The following PLCH2 variants were observed in gnomAD, a reference collection of about 807,000 sequenced individuals.
PLCH2 encodes 1-phosphatidylinositol 4,5-bisphosphate phosphodiesterase eta-2.
A neutral mutation model predicts 134.7 loss-of-function variants in PLCH2; 98 were observed. The observed-to-expected ratio is 0.73, with a 90% CI of 0.62 to 0.86. The LOEUF (loss-of-function observed/expected upper bound fraction) is 0.86. Among genes scored for constraint, PLCH2 ranks in the 40% least tolerant of loss-of-function variants. The pLI is 0.00. For missense variants in PLCH2, 1,994 were observed against 1,986.6 expected, an observed-to-expected ratio of 1.00 and a Z score of -0.07; for synonymous variants, 974 against 827.5, an observed-to-expected ratio of 1.18 and a Z score of -3.04.
chr1:2,497,130 C>T, intron 15 of PLCH2, 120 bp downstream of exon 15: 1 of 978,080 alleles, frequency 1.0e-6, no homozygotes, highest in Non-Finnish European at 1.5e-6. Flanking sequence ...GCTCTATTGC[C>T]CTTGGAGCCT....
intron 2 of PLCH2, among the ~76,000 whole-genome samples, chr1:2,462,377 C>T (rs1390214075): frequency 7.3e-6 from 1 of 137,726 alleles, no homozygotes; most frequent in Admixed American, 7.2e-5. Flanking sequence ...ACACCGCCTC[C>T]ACCTGACACC....
At chr1:2,417,764 G>A in the PLCH2 span, among the ~76,000 whole-genome samples, 3 of 152,194 alleles carry the variant, frequency 2.0e-5, no homozygotes, top group Admixed American at 2.0e-4. Context: ...CAGAGTCAGG[G>A]CTGGGAGCCA....
rs1053002619 is a variant in PLCH2 at position 2,439,750 on chromosome 1, C to T, written c.115+9121C>T. Among the ~76,000 whole-genome samples the T allele has an allele frequency of 4.6e-5, 7 of 152,188 alleles. No homozygotes were observed. The highest frequency in any genetic ancestry group is 3.4e-3 in the Middle Eastern group (1 of 294). On this transcript the variant is annotated intron_variant, in intron 2 of 3. Transcript: ENST00000609981. The surrounding 1 kb of genome is among the most constrained non-coding windows in gnomAD (Gnocchi z 4.7). ...ACCCTCGGGGGAGAGTCCCGGGGTC[C>T]GTGGGGAGAGCCCGTCAGAGTCCAG...
intron 2 of PLCH2, among the ~76,000 whole-genome samples, chr1:2,456,324 G>A (rs910212108): frequency 5.3e-5 from 8 of 152,310 alleles, no homozygotes; most frequent in East Asian, 1.9e-4. Context: ...CCTCATGGCC[G>A]CTGAGCCCCG....
intron 2 of PLCH2, among the ~76,000 whole-genome samples, chr1:2,433,683 A>G (rs1381801332): frequency 6.6e-6 from 1 of 152,122 alleles, no homozygotes; most frequent in Non-Finnish European, 1.5e-5. Context: ...TTCCCTGATC[A>G]TGAAAGCAAG....
Position 2,505,293 on chromosome 1 carries a change from C to A in PLCH2, c.*80C>A. ...GTTGTTTGCTCAGGAAACAGGGCAG[C>A]CAGGCCCCCAAAACTGTGTCCCCCT... On this transcript the variant is annotated 3_prime_UTR_variant, in exon 22 of 22. Coordinates refer to ENST00000378486, the MANE Select transcript of PLCH2 (RefSeq NM_014638.4). The A allele has an allele frequency of 3.5e-6, 4 of 1,127,064 alleles. No individual in the cohort carries two copies. The highest frequency in any genetic ancestry group is 3.7e-6 in the Non-Finnish European group (3 of 803,214). 69.8% of individuals were successfully genotyped at this position (1,127,064 alleles called of 1,614,324 possible).
chr1:2,495,378 C>A, intron 12 of PLCH2, 110 bp from the exon 13 acceptor site: 1 of 842,638 alleles, frequency 1.2e-6, no homozygotes, highest in Non-Finnish European at 1.9e-6. Context: ...TGGGAGGCTG[C>A]GTGGGCCGCT....
upstream of PLCH2, among the ~76,000 whole-genome samples, chr1:2,423,987 A>G (rs1557928653): frequency 6.6e-6 from 1 of 152,142 alleles, no homozygotes; most frequent in Admixed American, 6.5e-5. Flanking sequence ...TTCAGCCTCA[A>G]ACCCTGTCTT....
chr1:2,503,268 G>A, intron 21 of PLCH2: 1 of 561,456 alleles, frequency 1.8e-6, no homozygotes, highest in Non-Finnish European at 3.2e-6. Context: ...CTGGCGACCT[G>A]CATGGCCCCT....
chr1:2,491,119 C>T (rs1373117962), intron 10 of PLCH2, 73 bp from the exon 11 acceptor site: 2 of 1,446,392 alleles, frequency 1.4e-6, no homozygotes, highest in Non-Finnish European at 1.9e-6. Flanking sequence ...GTGCTGTGAC[C>T]CTGGGGGTTG....
At chr1:2,449,658 G>C (rs1216151215) in intron 2 of PLCH2, among the ~76,000 whole-genome samples, 1 of 152,226 alleles carries the variant, frequency 6.6e-6, no homozygotes, top group East Asian at 1.9e-4. Context: ...TGTCACTGGG[G>C]TGGAGGACAT....
intron 2 of PLCH2, among the ~76,000 whole-genome samples, chr1:2,432,959 C>G (rs923717132): frequency 6.6e-6 from 1 of 152,200 alleles, no homozygotes; most frequent in Admixed American, 6.5e-5. Context: ...AACCTGGGCA[C>G]CCTGCCTGCC....
chr1:2,459,602 C>T lies in PLCH2; in HGVS notation c.116-18874C>T, dbSNP rs2985850. On this transcript the variant is annotated intron_variant, in intron 2 of 3. Transcript: ENST00000609981. The stretch of plus-strand genomic sequence containing the variant: ...CCTCCTTGCCGGTGGTCTTCCTTTC[C>T]GGTGGTCCTCCTTGCCTGTGGTCCT... Among the ~76,000 whole-genome samples the T allele has an allele frequency of 9.8e-5, 7 of 71,242 alleles. 1 individual carries two copies. Among genetic ancestry groups the T allele is most frequent in the Admixed American group, 4.9e-4 (3 of 6,130 alleles). The allele number at this position is 71,242 out of a possible 152,430, so 46.7% of individuals were successfully genotyped here. A position where few individuals can be genotyped will look rare whatever the true frequency, so the allele number is the denominator to read the frequency against.
chr1:2,485,109 C>G (rs1230053233), intron 5 of PLCH2, among the ~76,000 whole-genome samples: 2 of 152,316 alleles, frequency 1.3e-5, no homozygotes, highest in East Asian at 1.9e-4. Flanking sequence ...ATCCACTCAC[C>G]TGTTTGTCCA....
chr1:2,464,151 C>T (rs1472543819), upstream of PLCH2, among the ~76,000 whole-genome samples: 1 of 152,218 alleles, frequency 6.6e-6, no homozygotes, highest in Non-Finnish European at 1.5e-5. Flanking sequence ...AGAGAGGGCT[C>T]TGGGGCTCAG....
At chr1:2,467,914 C>G (rs1437541787) in intron 1 of PLCH2, among the ~76,000 whole-genome samples, 1 of 152,220 alleles carries the variant, frequency 6.6e-6, no homozygotes, top group African/African-American at 2.4e-5. Context: ...CGCCCCCACC[C>G]TGCCTCATCT....
rs147059940 is a variant in PLCH2, at chr1:2,486,500, G to C, written c.817-407G>C. Among the ~76,000 whole-genome samples the C allele has an allele frequency of 3.7e-3, 558 of 152,322 alleles. 4 individuals are homozygous for C. The highest frequency in any genetic ancestry group is 0.013 in the African/African-American group (530 of 41,580). On this transcript the variant is annotated intron_variant, in intron 5 of 21. Coordinates refer to ENST00000378486, the MANE Select transcript of PLCH2 (RefSeq NM_014638.4). Reference sequence around the variant, plus strand: ...TCAGATCTCTTGGGAGGGTTAGTGTGTGACGGCTTGGGCAGACAGTGGGAG... The same window carrying C: ...TCAGATCTCTTGGGAGGGTTAGTGTCTGACGGCTTGGGCAGACAGTGGGAG...
intron 2 of PLCH2, among the ~76,000 whole-genome samples, chr1:2,440,144 G>A (rs528425413): frequency 5.3e-5 from 8 of 152,298 alleles, no homozygotes; most frequent in African/African-American, 1.9e-4. Flanking sequence ...GGGGTCCGAT[G>A]TAGCCTGTGG....
intron 1 of PLCH2, among the ~76,000 whole-genome samples, chr1:2,428,456 C>T (rs748877529): frequency 5.9e-5 from 9 of 152,252 alleles, no homozygotes; most frequent in African/African-American, 9.6e-5. Context: ...GGTGGGCAAG[C>T]GTGGACTGCA....
Sources: allele counts gnomAD v4.1 joint callset (sites outside exome capture counted in the v4.1 genomes callset), GRCh38; gene constraint gnomAD v4.1.1; non-coding constraint Gnocchi (gnomAD v3.1); transcripts MANE v1.5; gene names NCBI Gene and HGNC (gene_info 2026-07-23, HGNC 2026-07-21).